The following PA2G4 variants were observed in gnomAD, a reference collection of about 807,000 sequenced individuals.
The protein encoded by PA2G4 is proliferation-associated protein 2G4.
A neutral mutation model predicts 53.3 loss-of-function variants in PA2G4; 8 were observed. The ratio of observed to expected loss-of-function variants is 0.15; its 90% CI spans 0.09 to 0.27. PA2G4 has a LOEUF of 0.27. Ranked by LOEUF, PA2G4 falls within the 10% of genes least tolerant of loss-of-function variation. PA2G4 has a pLI of 1.00. For synonymous variants in PA2G4, 143 were observed against 169.8 expected (o/e 0.84, Z 1.23); for missense variants, 208 against 486.8 (o/e 0.43, Z 5.39).
At position 56,109,266 on chromosome 12, in the gene PA2G4, C is replaced by T; in HGVS notation, c.523C>T (p.His175Tyr). ...GACAGAAGCCTGGAACAAAGTTGCC[C>T]ACTCATTTAACTGCACGCCAATAGA... Reference protein sequence around the residue: ...QVTEAWNKVAHSFNCTPIEGM... With the variant: ...QVTEAWNKVAYSFNCTPIEGM... The change falls in exon 6 of 13, where the codon CAC (histidine) becomes TAC (tyrosine). Residue 175 changes from histidine to tyrosine, a missense_variant. Transcript: ENST00000303305. 1 of 1,612,064 alleles carries T rather than the reference C, an allele frequency of 6.2e-7. No homozygotes were observed. The highest frequency in any genetic ancestry group is 8.5e-7 in the Non-Finnish European group (1 of 1,179,210).
chr12:56,104,643 A>G lies in PA2G4; in HGVS notation c.-95A>G, dbSNP rs1457937719. The G allele has an allele frequency of 8.6e-7, 1 of 1,159,982 alleles. No individual in the cohort carries two copies. Among genetic ancestry groups the G allele is most frequent in the Admixed American group, 1.7e-5 (1 of 59,468 alleles). 71.9% of individuals were successfully genotyped at this position (1,159,982 alleles called of 1,614,324 possible). A position where few individuals can be genotyped will look rare whatever the true frequency, so the allele number is the denominator to read the frequency against. On this transcript the variant is annotated 5_prime_UTR_variant, in exon 1 of 13. Transcript: ENST00000303305. ...GCTTTCGCTCGCCCTCTCCTCGAGGATCGAGGGGACTCTGACCACAGCCTG... is the reference window on the plus strand; with the variant it reads ...GCTTTCGCTCGCCCTCTCCTCGAGGGTCGAGGGGACTCTGACCACAGCCTG...
intron 4 of PA2G4, 105 bp from the exon 5 acceptor site, chr12:56,107,387 TTTGTTGTTGTTGTTGTTTTTACCCTCCTG>T: frequency 9.8e-7 from 1 of 1,023,244 alleles, no homozygotes. Context: ...GAGAAAGGTT[TTTGTTGTTGTTGTTGTTTTTACCCTCCTG>T]TTCATTGGCT....
intron 2 of PA2G4, 41 bp from the exon 3 acceptor site, chr12:56,106,949 G>A (rs776164517): frequency 6.6e-7 from 1 of 1,520,530 alleles, no homozygotes; most frequent in South Asian, 1.1e-5. Context: ...AGGGCTCCCG[G>A]GAGACAGCAA....
At chr12:56,107,138 A>G in intron 3 of PA2G4, 43 bp downstream of exon 3, 2 of 1,602,720 alleles carry the variant, frequency 1.2e-6, no homozygotes, top group Non-Finnish European at 1.7e-6. Context: ...TTTTTAAAGC[A>G]TTTACAAAAT....
Position 56,112,937 on chromosome 12 carries a change from A to G in PA2G4, c.*49A>G. On this transcript the variant is annotated 3_prime_UTR_variant, in exon 13 of 13. Coordinates refer to ENST00000303305, the MANE Select transcript of PA2G4 (RefSeq NM_006191.3). ...GCTGCTCCTGCCTCATCCCCTTCCC[A>G]CCAAACCCCAGACTCTGTGAAGTGC... The G allele has an allele frequency of 8.0e-7, 1 of 1,242,444 alleles. No homozygotes were observed. The highest frequency in any genetic ancestry group is 2.6e-5 in the East Asian group (1 of 37,820). 77.0% of individuals were successfully genotyped at this position (1,242,444 alleles called of 1,614,324 possible).
chr12:56,110,790 C>A, intron 9 of PA2G4, 98 bp downstream of exon 9: 1 of 1,441,946 alleles, frequency 6.9e-7, no homozygotes, highest in Non-Finnish European at 9.7e-7. Context: ...TTGTAGCGTG[C>A]ATGTGCTCAC....
intron 5 of PA2G4, among the ~76,000 whole-genome samples, chr12:56,107,961 T>C (rs890051644): frequency 1.3e-5 from 2 of 152,216 alleles, no homozygotes; most frequent in Non-Finnish European, 1.5e-5. Flanking sequence ...CCTGGGAGAT[T>C]GAGGCTGTGC....
chr12:56,104,731 T>C lies in PA2G4; in HGVS notation c.-7T>C. The C allele has an allele frequency of 1.2e-6, 2 of 1,613,090 alleles. No individual in the cohort carries two copies. The highest frequency in any genetic ancestry group is 1.7e-6 in the Non-Finnish European group (2 of 1,179,502). On this transcript the variant is annotated 5_prime_UTR_variant, in exon 1 of 13. Transcript: ENST00000303305. ...GGAAACGAGGCTGCAGTGGTGGTAG[T>C]AGGAAGATGTCGGGCGAGGACGAGC...
chr12:56,108,530 A>G (rs771192934), intron 5 of PA2G4, among the ~76,000 whole-genome samples: 3 of 152,234 alleles, frequency 2.0e-5, no homozygotes, highest in Non-Finnish European at 4.4e-5. Context: ...AGTAAATTAC[A>G]TGAGATATTC....
In PA2G4 at chr12:56,106,343, ACT is replaced by A. The variant is rs1323523969; in HGVS notation, c.89-242_89-241del. On this transcript the variant is annotated intron_variant, in intron 1 of 12. Coordinates refer to ENST00000303305, the MANE Select transcript of PA2G4 (RefSeq NM_006191.3). ...TGGCAAGAACCCTCTGAAGTTCATA[ACT>A]CTGTCCTGTCACACCAAAGGTAGCA... The A allele has an allele frequency of 2.9e-5, 10 of 348,622 alleles. No homozygotes were observed. In the East Asian group the frequency reaches 3.5e-4, roughly 12 times the overall value. 21.6% of individuals were successfully genotyped at this position (348,622 alleles called of 1,614,324 possible). A position where few individuals can be genotyped will look rare whatever the true frequency, so the allele number is the denominator to read the frequency against.
intron 1 of PA2G4, 48 bp downstream of exon 1, chr12:56,104,873 T>C (rs1869258615): frequency 6.6e-7 from 1 of 1,507,290 alleles, no homozygotes; most frequent in African/African-American, 1.4e-5. Context: ...TAGGGAAAGG[T>C]AACAGGCTGG....
chr12:56,108,702 T>C (rs550586509), intron 5 of PA2G4, among the ~76,000 whole-genome samples: 4 of 152,208 alleles, frequency 2.6e-5, no homozygotes, highest in African/African-American at 9.6e-5. Context: ...AACTTATGAG[T>C]TTTTTGGAGA....
chr12:56,107,697 C>T lies in PA2G4; in HGVS notation c.486+84C>T, dbSNP rs960261581. 1.4e-5 allele frequency: 12 copies of T among 863,942 alleles called. No homozygotes were observed. The African/African-American group carries it at 1.7e-4, about 12-fold the overall frequency. 53.5% of individuals were successfully genotyped at this position (863,942 alleles called of 1,614,324 possible). On this transcript the variant is annotated intron_variant, in intron 5 of 12. Coordinates refer to ENST00000303305, the MANE Select transcript of PA2G4 (RefSeq NM_006191.3). Reference sequence around the variant, plus strand: ...TAGCTACTCTATATGAAACTACCAACCTCCCCTACAGACCCCTTATAAAAC... The same window carrying T: ...TAGCTACTCTATATGAAACTACCAATCTCCCCTACAGACCCCTTATAAAAC...
rs1460751776 is a variant in PA2G4, at chr12:56,104,791, G to A, written c.54G>A (p.Val18=). 6 of 1,614,034 alleles carry A rather than the reference G, an allele frequency of 3.7e-6. No individual in the cohort carries two copies. Among genetic ancestry groups the A allele is most frequent in the Non-Finnish European group, 5.1e-6 (6 of 1,179,990 alleles). The change falls in exon 1 of 13, where the codon GTG becomes GTA. Residue 18 remains valine (V), a synonymous_variant. Transcript: ENST00000303305. The part of the protein sequence containing the change: ...QEQTIAEDLV[V]TKYKMGGDIA... Reference sequence around the variant, plus strand: ...AAACTATCGCTGAGGACCTGGTCGTGACCAAGTATAAGATGGGGGGCGACA... The same window carrying A: ...AAACTATCGCTGAGGACCTGGTCGTAACCAAGTATAAGATGGGGGGCGACA...
At chr12:56,110,798 C>A in intron 9 of PA2G4, 106 bp downstream of exon 9, 2 of 1,402,560 alleles carry the variant, frequency 1.4e-6, no homozygotes, top group African/African-American at 1.4e-5. Context: ...TGCATGTGCT[C>A]ACTCCCTCCC....
Position 56,110,386 on chromosome 12 carries a change from CTA to C in PA2G4, c.630-11_630-10del. 6.6e-7 allele frequency: 1 copy of C among 1,520,054 alleles called. No homozygotes were observed. The highest frequency in any genetic ancestry group is 9.1e-7 in the Non-Finnish European group (1 of 1,095,258). The allele number at this position is 1,520,054 out of a possible 1,614,324, so 94.2% of individuals were successfully genotyped here. On this transcript the variant is annotated splice_polypyrimidine_tract_variant and intron_variant, in intron 7 of 12. Coordinates refer to ENST00000303305, the MANE Select transcript of PA2G4 (RefSeq NM_006191.3). Reference sequence around the variant, plus strand: ...AAAAAAAAAAAAAATTCCTTTCTCTCTATTCCTTTTAGGAAGGACCATGAAAA... The same window carrying C: ...AAAAAAAAAAAAAATTCCTTTCTCTCTTCCTTTTAGGAAGGACCATGAAAA...
chr12:56,106,496 G>A lies in PA2G4; in HGVS notation c.89-92G>A, dbSNP rs113117665. Reference sequence around the variant, plus strand: ...GGGCAATGGCACCAGGGAGTATTATGGAAACTCTTAAATTCAACTTCCAGG... The same window carrying A: ...GGGCAATGGCACCAGGGAGTATTATAGAAACTCTTAAATTCAACTTCCAGG... On this transcript the variant is annotated intron_variant, in intron 1 of 12. Coordinates refer to ENST00000303305, the MANE Select transcript of PA2G4 (RefSeq NM_006191.3). The A allele has an allele frequency of 1.7e-4, 237 of 1,374,436 alleles. 1 individual carries two copies. The African/African-American group carries it at 2.7e-3, about 15-fold the overall frequency. The allele number at this position is 1,374,436 out of a possible 1,614,324, so 85.1% of individuals were successfully genotyped here. A position where few individuals can be genotyped will look rare whatever the true frequency, so the allele number is the denominator to read the frequency against.
At chr12:56,111,692 G>C (rs1207724117) in intron 12 of PA2G4, among the ~76,000 whole-genome samples, 163 bp downstream of exon 12, 2 of 131,896 alleles carry the variant, frequency 1.5e-5, no homozygotes, top group African/African-American at 5.1e-5. Flanking sequence ...AATACTGTAA[G>C]TCAAAATGGA....
chr12:56,113,683 G>T lies in PA2G4; in HGVS notation c.*795G>T, dbSNP rs1035363405. On this transcript the variant is annotated 3_prime_UTR_variant, in exon 13 of 13. Transcript: ENST00000303305. ...TGAAATATTGTGATCTCCCTCCCAT[G>T]AAAGAAAAACCAAGAACCAGAGGCG... 1.7e-6 allele frequency: 1 copy of T among 602,212 alleles called. No homozygotes were observed. Among genetic ancestry groups the T allele is most frequent in the Non-Finnish European group, 2.9e-6 (1 of 341,802 alleles). The allele number at this position is 602,212 out of a possible 1,614,324, so 37.3% of individuals were successfully genotyped here.
Sources: allele counts gnomAD v4.1 joint callset (sites outside exome capture counted in the v4.1 genomes callset), GRCh38; gene constraint gnomAD v4.1.1; transcripts MANE v1.5; gene names NCBI Gene and HGNC (gene_info 2026-07-23, HGNC 2026-07-21).